The following ATP10B variants were observed in gnomAD, a reference collection of about 807,000 sequenced individuals.
ATP10B encodes the protein ATPase phospholipid transporting 10B (putative).
ATP10B carries 122 observed loss-of-function variants against 141.2 expected under a neutral mutation model. That is an observed-to-expected ratio of 0.86 (90% CI 0.75 to 1.00). The LOEUF (loss-of-function observed/expected upper bound fraction) is 1.00, where lower values mean the gene tolerates loss of function less well. Ranked by LOEUF, ATP10B falls within the 50% of genes least tolerant of loss-of-function variation. ATP10B has a pLI of 0.00. For missense variants in ATP10B, 1,876 were observed against 1,825.3 expected, an observed-to-expected ratio of 1.03 and a Z score of -0.51; for synonymous variants, 685 against 692.0, an observed-to-expected ratio of 0.99 and a Z score of 0.16.
At chr5:160,769,783 C>T (rs192331052) in intron 2 of ATP10B, among the ~76,000 whole-genome samples, 2 of 152,294 alleles carry the variant, frequency 1.3e-5, no homozygotes, top group East Asian at 3.9e-4. Context: ...AGTAGCATTG[C>T]CATAGCACAA....
intron 1 of ATP10B, among the ~76,000 whole-genome samples, chr5:160,813,681 C>A (rs1261807368): frequency 2.0e-5 from 3 of 152,204 alleles, no homozygotes; most frequent in African/African-American, 7.2e-5. Flanking sequence ...GGACAGACTG[C>A]CTCCTCAAGT....
At chr5:160,597,931 T>C (rs923663802) in intron 22 of ATP10B, among the ~76,000 whole-genome samples, 3 of 150,514 alleles carry the variant, frequency 2.0e-5, no homozygotes, top group Non-Finnish European at 4.4e-5. Flanking sequence ...TAGGAACACT[T>C]TTACACTGTT....
chr5:160,746,194 T>A (rs1473438003), intron 2 of ATP10B, among the ~76,000 whole-genome samples: 1 of 152,172 alleles, frequency 6.6e-6, no homozygotes, highest in Non-Finnish European at 1.5e-5. Context: ...AGATGCTATC[T>A]CTCTCACATC....
chr5:160,687,292 T>G (rs1284767747), intron 5 of ATP10B, among the ~76,000 whole-genome samples: 1 of 152,218 alleles, frequency 6.6e-6, no homozygotes, highest in Non-Finnish European at 1.5e-5. Flanking sequence ...CCATTTTTTT[T>G]ATGTATCTCT....
the ATP10B span, among the ~76,000 whole-genome samples, chr5:160,885,325 C>G: frequency 2.0e-5 from 3 of 152,202 alleles, no homozygotes; most frequent in African/African-American, 7.2e-5. Context: ...CCCTGCATGG[C>G]CCAGATGGGG....
At chr5:160,747,720 G>A (rs761097575) in intron 2 of ATP10B, among the ~76,000 whole-genome samples, 11 of 152,178 alleles carry the variant, frequency 7.2e-5, no homozygotes, top group Non-Finnish European at 1.5e-4. Flanking sequence ...AAAACTGTAA[G>A]AGTACATGTC....
upstream of ATP10B, among the ~76,000 whole-genome samples, chr5:160,854,161 G>GCTTCTACTACAATAA (rs1753940051): frequency 6.6e-6 from 1 of 152,062 alleles, no homozygotes; most frequent in Non-Finnish European, 1.5e-5. Flanking sequence ...TACAAGCTGT[G>GCTTCTACTACAATAA]CAAGTGTTAT....
chr5:160,886,683 C>T, the ATP10B span, among the ~76,000 whole-genome samples: 1 of 152,158 alleles, frequency 6.6e-6, no homozygotes, highest in African/African-American at 2.4e-5. Context: ...TCCCTTCTTC[C>T]AGAGTGGTCC....
chr5:160,707,549 T>C (rs1464815567), intron 3 of ATP10B, among the ~76,000 whole-genome samples: 1 of 152,256 alleles, frequency 6.6e-6, no homozygotes, highest in Admixed American at 6.5e-5. Flanking sequence ...TCACATACTT[T>C]TTTTAAATTG....
chr5:160,871,075 T>C, the ATP10B span, among the ~76,000 whole-genome samples: 3 of 150,274 alleles, frequency 2.0e-5, no homozygotes, highest in Non-Finnish European at 3.0e-5. Flanking sequence ...AGTGTTGTTA[T>C]TTAGAGAGGA....
chr5:160,861,421 TTAAAA>T, the ATP10B span, among the ~76,000 whole-genome samples: 1 of 151,868 alleles, frequency 6.6e-6, no homozygotes, highest in African/African-American at 2.4e-5. Flanking sequence ...GAAGAAAGTT[TTAAAA>T]TAAAATAACT....
chr5:160,651,310 A>AT (rs986862697), intron 7 of ATP10B, among the ~76,000 whole-genome samples: 3 of 151,982 alleles, frequency 2.0e-5, no homozygotes, highest in East Asian at 1.9e-4. Flanking sequence ...GTAGCTAAGT[A>AT]TTTTTTTTAA....
At chr5:160,609,233 G>A (rs1039919044) in intron 18 of ATP10B, among the ~76,000 whole-genome samples, 5 of 152,098 alleles carry the variant, frequency 3.3e-5, no homozygotes. Flanking sequence ...AATATTCAAA[G>A]TGAGTCAAAT....
rs188930416 is a variant in ATP10B, at chr5:160,628,405, A to T, written c.1620+3724T>A. Among the ~76,000 whole-genome samples, 178 of 152,332 alleles carry T rather than the reference A, an allele frequency of 1.2e-3. 2 individuals are homozygous for T. The highest frequency in any genetic ancestry group is 2.0e-3 in the Non-Finnish European group (133 of 68,030). On this transcript the variant is annotated intron_variant, in intron 13 of 25. Coordinates refer to ENST00000327245, the MANE Select transcript of ATP10B (RefSeq NM_025153.3). Reference sequence around the variant, plus strand: ...AAGATTCTGTGTACTTGGCTAATTAAATCAGGACTCTTATCTAACCTTACA... The same window carrying T: ...AAGATTCTGTGTACTTGGCTAATTATATCAGGACTCTTATCTAACCTTACA...
chr5:160,589,508 A>T, intron 24 of ATP10B, 84 bp downstream of exon 24: 1 of 1,067,954 alleles, frequency 9.4e-7, no homozygotes, highest in Middle Eastern at 2.9e-4. Flanking sequence ...GATTGATAAC[A>T]CAGAATGAAA....
chr5:160,663,075 A>C (rs1254564018), intron 7 of ATP10B, among the ~76,000 whole-genome samples: 3 of 152,232 alleles, frequency 2.0e-5, no homozygotes, highest in Non-Finnish European at 4.4e-5. Flanking sequence ...AATGCAAATC[A>C]AAACCACAAT....
chr5:160,604,034 T>C lies in ATP10B; in HGVS notation c.3168A>G (p.Gly1056=), dbSNP rs1259776177. 1 of 1,613,812 alleles carries C rather than the reference T, an allele frequency of 6.2e-7. No individual in the cohort carries two copies. Among genetic ancestry groups the C allele is most frequent in the Admixed American group, 1.7e-5 (1 of 60,012 alleles). Residue 1056 remains glycine (G), a synonymous_variant, in exon 20 of 26, where the codon GGA becomes GGG. Transcript: ENST00000327245. ...LRVMTLSIGD[G]ANDVSMIQAA... Reference sequence around the variant, plus strand: ...CTTGAATCATGCTTACATCATTTGCTCCATCACCTGAAAGAGAGGTCATAA... The same window carrying C: ...CTTGAATCATGCTTACATCATTTGCCCCATCACCTGAAAGAGAGGTCATAA...
At chr5:160,585,952 A>G (rs1755862950) in intron 24 of ATP10B, among the ~76,000 whole-genome samples, 1 of 152,042 alleles carries the variant, frequency 6.6e-6, no homozygotes, top group Non-Finnish European at 1.5e-5. Context: ...TACACATTGG[A>G]GCAGGATTTT....
Position 160,629,313 on chromosome 5 carries a change from T to A in ATP10B, c.1620+2816A>T, listed in dbSNP as rs138726613. Among the ~76,000 whole-genome samples, 10 of 152,166 alleles carry A rather than the reference T, an allele frequency of 6.6e-5. No homozygotes were observed. In the East Asian group the frequency reaches 1.9e-3, roughly 30 times the overall value. ...TCTGACACCAGCTAGATGTATTTGA[T>A]GGGTTAGCACAAGAGTCCTTAAAGG... On this transcript the variant is annotated intron_variant, in intron 13 of 25. Transcript: ENST00000327245.
Sources: allele counts gnomAD v4.1 joint callset (sites outside exome capture counted in the v4.1 genomes callset), GRCh38; gene constraint gnomAD v4.1.1; transcripts MANE v1.5; gene names NCBI Gene and HGNC (gene_info 2026-07-23, HGNC 2026-07-21).